The following PCDH11X variants were observed in gnomAD, a reference collection of about 807,000 sequenced individuals.
PCDH11X encodes protocadherin 11 X-linked.
A neutral mutation model predicts 53.3 loss-of-function variants in PCDH11X; 18 were observed. The observed-to-expected ratio is 0.34, with a 90% CI of 0.23 to 0.50. The LOEUF is 0.50. Ranked by LOEUF, PCDH11X falls within the 20% of genes least tolerant of loss-of-function variation. The pLI, the probability that PCDH11X is intolerant of heterozygous loss-of-function variation, is 0.98. For missense variants in PCDH11X, 570 were observed against 1,032.4 expected, an observed-to-expected ratio of 0.55 and a Z score of 6.14; for synonymous variants, 279 against 393.3, an observed-to-expected ratio of 0.71 and a Z score of 3.44.
At chrX:92,265,087 A>G (rs2067799108) in intron 8 of PCDH11X, among the ~76,000 whole-genome samples, 1 of 109,024 alleles carries the variant, frequency 9.2e-6, no homozygotes, top group Non-Finnish European at 1.9e-5. Context: ...GAGGTAGGGG[A>G]TGGGGTCTCG....
chrX:92,593,583 A>G (rs188383284), intron 10 of PCDH11X, among the ~76,000 whole-genome samples: 3 of 111,314 alleles, frequency 2.7e-5, no homozygotes, highest in African/African-American at 9.8e-5. Flanking sequence ...TTAAAAAAAA[A>G]CTTTCTTAAA....
In PCDH11X at chrX:92,314,073, A is replaced by AT. The variant is rs201716757; in HGVS notation, c.3144+50936dup. 4.3e-4 allele frequency among the ~76,000 whole-genome samples: 48 copies of AT among 111,850 alleles called. No individual in the cohort carries two copies. In the East Asian group the frequency reaches 0.013, roughly 29 times the overall value. ...ATAAATGAACCTTAGCCTATTGTAAATTTTTTACTTTATACATTTTGTAAT... is the reference window on the plus strand; with the variant it reads ...ATAAATGAACCTTAGCCTATTGTAAATTTTTTTACTTTATACATTTTGTAAT... On this transcript the variant is annotated intron_variant, in intron 8 of 10. Coordinates refer to ENST00000682573, the MANE Select transcript of PCDH11X (RefSeq NM_032968.5).
At chrX:92,283,266 A>T (rs1028745353) in intron 8 of PCDH11X, among the ~76,000 whole-genome samples, 1 of 111,256 alleles carries the variant, frequency 9.0e-6, no homozygotes, top group Non-Finnish European at 1.9e-5. Context: ...AAAATTATTA[A>T]TTTGCTTGCC....
chrX:92,032,175 A>C (rs1214206234), intron 6 of PCDH11X, among the ~76,000 whole-genome samples: 2 of 110,652 alleles, frequency 1.8e-5, no homozygotes, highest in Admixed American at 9.6e-5. Context: ...CTGTTTTATA[A>C]TGTTCATTGT....
intron 6 of PCDH11X, among the ~76,000 whole-genome samples, chrX:91,910,154 T>C (rs1181319213): frequency 9.3e-6 from 1 of 107,860 alleles, no homozygotes; most frequent in Non-Finnish European, 1.9e-5. Context: ...TGAAACAAAG[T>C]ATCTGAACTA....
At chrX:91,912,664 G>A (rs774458705) in intron 6 of PCDH11X, among the ~76,000 whole-genome samples, 4 of 110,355 alleles carry the variant, frequency 3.6e-5, no homozygotes, top group Non-Finnish European at 5.7e-5. Flanking sequence ...TGAGAAAATC[G>A]AAGTGGGGGG....
At chrX:92,141,639 C>G (rs1368326097) in intron 6 of PCDH11X, among the ~76,000 whole-genome samples, 2 of 111,671 alleles carry the variant, frequency 1.8e-5, no homozygotes, top group Admixed American at 1.9e-4. Context: ...AGTTATGTTG[C>G]TATTTTTATA....
chrX:92,184,585 C>T (rs952850050), intron 6 of PCDH11X, among the ~76,000 whole-genome samples: 1 of 111,596 alleles, frequency 9.0e-6, no homozygotes. Flanking sequence ...TCAAAATATA[C>T]TACAAAGCTA....
At chrX:92,280,769 A>G (rs1014181398) in intron 8 of PCDH11X, among the ~76,000 whole-genome samples, 25 of 109,674 alleles carry the variant, frequency 2.3e-4, no homozygotes, top group African/African-American at 7.3e-4. Flanking sequence ...AGCATAATGT[A>G]ATTAATCAAA....
intron 6 of PCDH11X, among the ~76,000 whole-genome samples, chrX:92,160,786 C>T (rs1339470456): frequency 9.1e-6 from 1 of 110,226 alleles, no homozygotes; most frequent in African/African-American, 3.3e-5. Flanking sequence ...TTTACATTTC[C>T]ACCAGCAGTA....
At chrX:92,600,391 G>A (rs1160769316) in intron 10 of PCDH11X, among the ~76,000 whole-genome samples, 3 of 110,923 alleles carry the variant, frequency 2.7e-5, no homozygotes, top group Non-Finnish European at 5.7e-5. Context: ...GGGACCTGGT[G>A]CCCTGCATTA....
chrX:91,907,976 T>G (rs1259384379), intron 6 of PCDH11X, among the ~76,000 whole-genome samples: 2 of 112,010 alleles, frequency 1.8e-5, no homozygotes, highest in Non-Finnish European at 3.8e-5. Context: ...TTCTTTTTTA[T>G]GCCTGCATAG....
chrX:92,076,248 C>T (rs970455885), intron 6 of PCDH11X, among the ~76,000 whole-genome samples: 19 of 108,349 alleles, frequency 1.8e-4, no homozygotes, highest in African/African-American at 6.6e-4. Context: ...GGTCTTGCAT[C>T]GTTTTACTTG....
chrX:91,893,423 C>T (rs1446274259), intron 6 of PCDH11X, among the ~76,000 whole-genome samples: 1 of 106,316 alleles, frequency 9.4e-6, no homozygotes, highest in Non-Finnish European at 1.9e-5. Context: ...TCTCGGCTCA[C>T]TGCAAGCGCT....
intron 8 of PCDH11X, among the ~76,000 whole-genome samples, chrX:92,307,868 A>G (rs2068865385): frequency 9.1e-6 from 1 of 109,997 alleles, no homozygotes; most frequent in Non-Finnish European, 1.9e-5. Flanking sequence ...TACATTAAAA[A>G]TGAGCACACA....
intron 9 of PCDH11X, among the ~76,000 whole-genome samples, chrX:92,413,626 A>C (rs1173836832): frequency 9.3e-6 from 1 of 106,993 alleles, no homozygotes; most frequent in African/African-American, 3.5e-5. Context: ...ACATTTGGAA[A>C]GAAAATCTTT....
intron 8 of PCDH11X, among the ~76,000 whole-genome samples, chrX:92,349,584 C>T (rs950842677): frequency 1.2e-4 from 12 of 104,178 alleles, no homozygotes; most frequent in African/African-American, 4.3e-4. Flanking sequence ...CCATTTGTCC[C>T]CTCCCCTTTC....
intron 6 of PCDH11X, among the ~76,000 whole-genome samples, chrX:92,105,533 A>C (rs1432830295): frequency 9.1e-6 from 1 of 109,482 alleles, no homozygotes; most frequent in African/African-American, 3.3e-5. Flanking sequence ...GTCGGAAAAG[A>C]GAGTCAGCGA....
intron 4 of PCDH11X, among the ~76,000 whole-genome samples, chrX:91,812,547 G>A: frequency 1.8e-5 from 2 of 110,859 alleles, no homozygotes; most frequent in Middle Eastern, 9.3e-3. Flanking sequence ...TTCTCTTTGT[G>A]TGTCTATAAT....
Sources: gnomAD v4.1 joint callset for allele counts (sites outside exome capture counted in the v4.1 genomes callset) on GRCh38, gnomAD v4.1.1 for gene constraint, MANE v1.5 for transcripts, NCBI Gene and HGNC (gene_info 2026-07-23, HGNC 2026-07-21) for gene names.